Variants in SDCCAG8 observed in about 807,000 individuals in gnomAD.
SDCCAG8 encodes the protein SHH signaling and ciliogenesis regulator SDCCAG8.
Under a neutral mutation model 101.8 loss-of-function variants are expected in SDCCAG8, and 74 were observed. The ratio of observed to expected loss-of-function variants is 0.73; its 90% CI spans 0.60 to 0.88. SDCCAG8 has a LOEUF of 0.88. Ranked by LOEUF, SDCCAG8 falls within the 40% of genes least tolerant of loss-of-function variation. The pLI is 0.00. For synonymous variants in SDCCAG8, 281 were observed against 292.9 expected (o/e 0.96, Z 0.41); for missense variants, 787 against 822.6 (o/e 0.96, Z 0.53).
At chr1:243,492,570 C>T (rs1210085824) in intron 17 of SDCCAG8, among the ~76,000 whole-genome samples, 2 of 146,852 alleles carry the variant, frequency 1.4e-5, no homozygotes, top group Non-Finnish European at 3.0e-5. Context: ...TCCTAAAGTG[C>T]TGGGATTACA....
chr1:243,365,156 G>A (rs567015060), intron 12 of SDCCAG8, among the ~76,000 whole-genome samples: 1 of 152,234 alleles, frequency 6.6e-6, no homozygotes, highest in South Asian at 2.1e-4. Flanking sequence ...AGTGGGCTTA[G>A]CGAGTGGTTT....
At chr1:243,485,160 G>A (rs574100655) in intron 16 of SDCCAG8, among the ~76,000 whole-genome samples, 20 of 152,282 alleles carry the variant, frequency 1.3e-4, no homozygotes, top group Middle Eastern at 3.4e-3. Flanking sequence ...ACACTTGGGC[G>A]CTGGCTCGAT....
rs544236785 is a variant in SDCCAG8 at position 243,487,483 on chromosome 1, A to G, written c.1986-1531A>G. On this transcript the variant is annotated intron_variant, in intron 16 of 17. Coordinates refer to ENST00000366541, the MANE Select transcript of SDCCAG8 (RefSeq NM_006642.5). Reference sequence around the variant, plus strand: ...TGAGGTGGGGTGTTGGAGCATCACCATATATATACATCACACACACAGGGA... The same window carrying G: ...TGAGGTGGGGTGTTGGAGCATCACCGTATATATACATCACACACACAGGGA... 3.3e-5 allele frequency among the ~76,000 whole-genome samples: 5 copies of G among 152,286 alleles called. No individual in the cohort carries two copies. The East Asian group carries it at 7.7e-4, about 24-fold the overall frequency.
intron 16 of SDCCAG8, among the ~76,000 whole-genome samples, chr1:243,480,384 A>G (rs1260323423): frequency 7.5e-5 from 2 of 26,692 alleles, no homozygotes; most frequent in Non-Finnish European, 6.5e-5. Context: ...GGGTGGATGG[A>G]TGGATGGATA....
At chr1:243,291,573 C>T (rs2070272772) in intron 5 of SDCCAG8, among the ~76,000 whole-genome samples, 1 of 152,166 alleles carries the variant, frequency 6.6e-6, no homozygotes, top group African/African-American at 2.4e-5. Flanking sequence ...ACCATACATG[C>T]ACTGTTTCTT....
chr1:243,417,491 A>G (rs2148017147), intron 14 of SDCCAG8, among the ~76,000 whole-genome samples: 1 of 152,292 alleles, frequency 6.6e-6, no homozygotes, highest in East Asian at 1.9e-4. Context: ...TGTATGCAAG[A>G]TTGGGGGTGG....
intron 9 of SDCCAG8, among the ~76,000 whole-genome samples, chr1:243,321,945 G>A (rs1010618563): frequency 3.3e-5 from 5 of 152,216 alleles, no homozygotes; most frequent in South Asian, 4.1e-4. Flanking sequence ...CACCATGCCC[G>A]GCCTCTATGT....
intron 12 of SDCCAG8, among the ~76,000 whole-genome samples, chr1:243,369,876 C>T (rs899430672): frequency 1.3e-5 from 2 of 152,044 alleles, no homozygotes; most frequent in African/African-American, 4.8e-5. Flanking sequence ...TATTTGACTC[C>T]TTCATTATTT....
At chr1:243,317,969 G>A in intron 9 of SDCCAG8, 1 of 444,476 alleles carries the variant, frequency 2.2e-6, no homozygotes, top group Non-Finnish European at 4.5e-6. Flanking sequence ...CTACATTACT[G>A]AGTATATGCC....
chr1:243,309,928 A>G lies in SDCCAG8; in HGVS notation c.929+1751A>G, dbSNP rs181699848. On this transcript the variant is annotated intron_variant, in intron 8 of 17. Transcript: ENST00000366541. ...TGCCAGGCTGGAGTGCAGTGGCGCA[A>G]TCTTGGCTCTCTGCAACCTCTGCTT... Among the ~76,000 whole-genome samples, 9 of 152,020 alleles carry G rather than the reference A, an allele frequency of 5.9e-5. No homozygotes were observed. In the East Asian group the frequency reaches 1.7e-3, roughly 29 times the overall value.
In SDCCAG8 at chr1:243,478,861, G is replaced by A. The variant is rs975206178; in HGVS notation, c.1986-10153G>A. Among the ~76,000 whole-genome samples, 2 of 150,622 alleles carry A rather than the reference G, an allele frequency of 1.3e-5. 1 individual carries two copies. The highest frequency in any genetic ancestry group is 1.3e-4 in the Admixed American group (2 of 15,024). On this transcript the variant is annotated intron_variant, in intron 16 of 17. Transcript: ENST00000366541. ...TAGTCCCAGCTACTCGGGAGGCTGA[G>A]GCAGGAGAATCATTTGAACCCGGGA...
At chr1:243,373,722 A>G (rs984255491) in intron 12 of SDCCAG8, among the ~76,000 whole-genome samples, 1 of 152,168 alleles carries the variant, frequency 6.6e-6, no homozygotes, top group Non-Finnish European at 1.5e-5. Flanking sequence ...ATGAAATTAT[A>G]TGGCTAAGCC....
chr1:243,282,132 C>T (rs1437841472), intron 4 of SDCCAG8, among the ~76,000 whole-genome samples: 3 of 152,090 alleles, frequency 2.0e-5, no homozygotes, highest in African/African-American at 7.2e-5. Flanking sequence ...TACAGGTGAG[C>T]CACCACAACC....
At chr1:243,477,945 A>G (rs2994320) in intron 16 of SDCCAG8, among the ~76,000 whole-genome samples, 37,985 of 152,222 alleles carry the variant, frequency 0.25, 5,710 homozygotes, top group African/African-American at 0.42. Context: ...AATTTTCAAA[A>G]CAATCAAACA....
At chr1:243,449,499 C>T (rs781531110) in intron 16 of SDCCAG8, among the ~76,000 whole-genome samples, 2 of 152,160 alleles carry the variant, frequency 1.3e-5, no homozygotes, top group Non-Finnish European at 2.9e-5. Flanking sequence ...CTGGGAAACA[C>T]GTTTCTTCTT....
intron 16 of SDCCAG8, among the ~76,000 whole-genome samples, chr1:243,461,116 C>G (rs1160692009): frequency 6.6e-6 from 1 of 152,136 alleles, no homozygotes; most frequent in Non-Finnish European, 1.5e-5. Flanking sequence ...ACAGCTGTTT[C>G]CCTGCTAAAT....
At chr1:243,276,877 G>C (rs1055607563) in intron 4 of SDCCAG8, among the ~76,000 whole-genome samples, 1 of 151,986 alleles carries the variant, frequency 6.6e-6, no homozygotes, top group African/African-American at 2.4e-5. Context: ...CTTGCAGAAT[G>C]TCATATACTT....
At chr1:243,303,510 C>T (rs2071757427) in intron 6 of SDCCAG8, among the ~76,000 whole-genome samples, 1 of 152,174 alleles carries the variant, frequency 6.6e-6, no homozygotes, top group African/African-American at 2.4e-5. Context: ...ACCAACCCCT[C>T]CTTTTCCTCC....
chr1:243,490,612 G>C (rs895949903), intron 17 of SDCCAG8, among the ~76,000 whole-genome samples: 3 of 152,254 alleles, frequency 2.0e-5, no homozygotes, highest in Admixed American at 6.5e-5. Context: ...AGTGGGCATG[G>C]TGCACGCCTG....
Sources: allele counts gnomAD v4.1 joint callset (sites outside exome capture counted in the v4.1 genomes callset), GRCh38; gene constraint gnomAD v4.1.1; transcripts MANE v1.5; gene names NCBI Gene and HGNC (gene_info 2026-07-23, HGNC 2026-07-21).